The following ACTR10 variants were observed in gnomAD, a reference collection of about 807,000 sequenced individuals.
ACTR10 encodes actin-related protein 10.
A neutral mutation model predicts 56.2 loss-of-function variants in ACTR10; 43 were observed. That is an observed-to-expected ratio of 0.77 (90% CI 0.60 to 0.99). ACTR10 has a LOEUF of 0.99. Among genes scored for constraint, ACTR10 ranks in the 50% least tolerant of loss-of-function variants. The pLI, the probability that ACTR10 is intolerant of heterozygous loss-of-function variation, is 0.00. For synonymous variants in ACTR10, 170 were observed against 176.3 expected (o/e 0.96, Z 0.28); for missense variants, 466 against 507.8 (o/e 0.92, Z 0.79).
intron 8 of ACTR10, among the ~76,000 whole-genome samples, chr14:58,220,480 T>C (rs888298132): frequency 6.6e-6 from 1 of 152,222 alleles, no homozygotes; most frequent in Non-Finnish European, 1.5e-5. Flanking sequence ...CTAAATTCTT[T>C]TCAATTGTTA....
At chr14:58,205,705 G>T (rs1309264397) in intron 2 of ACTR10, among the ~76,000 whole-genome samples, 2 of 152,054 alleles carry the variant, frequency 1.3e-5, no homozygotes, top group African/African-American at 4.8e-5. Flanking sequence ...AAATATGGTA[G>T]ATATTGGTGG....
In ACTR10 at chr14:58,232,220, G is replaced by T. The variant is rs554639681; in HGVS notation, c.1025G>T (p.Arg342Leu). The T allele has an allele frequency of 6.2e-7, 1 of 1,613,426 alleles. No homozygotes were observed. The highest frequency in any genetic ancestry group is 2.2e-5 in the East Asian group (1 of 44,848). ...AAAGCACTTGGCACTAAGACATTTC[G>T]AATTCATACTCCACCTGCAAAAGCT... ...YKKALGTKTF[R>L]IHTPPAKANC... Residue 342 changes from arginine to leucine, a missense_variant, in exon 12 of 13, where the codon CGA (arginine) becomes CTA (leucine). Coordinates refer to ENST00000254286, the MANE Select transcript of ACTR10 (RefSeq NM_018477.3).
rs1888667343 is a variant in ACTR10 at position 58,200,156 on chromosome 14, G to C, written c.-62G>C. On this transcript the variant is annotated 5_prime_UTR_variant, in exon 1 of 13. Coordinates refer to ENST00000254286, the MANE Select transcript of ACTR10 (RefSeq NM_018477.3). ...CGCCGGAGCCCCGGCCCCGCCCCGC[G>C]AGCGCCGAGACTTGTTGGCCGCGGA... The C allele has an allele frequency of 7.8e-7, 1 of 1,282,380 alleles. No homozygotes were observed. Among genetic ancestry groups the C allele is most frequent in the Non-Finnish European group, 1.0e-6 (1 of 993,426 alleles). The allele number at this position is 1,282,380 out of a possible 1,614,324, so 79.4% of individuals were successfully genotyped here.
intron 12 of ACTR10, 28 bp downstream of exon 12, chr14:58,232,295 G>A: frequency 4.5e-6 from 7 of 1,550,070 alleles, no homozygotes; most frequent in Non-Finnish European, 6.2e-6. Flanking sequence ...AAAATATAAT[G>A]ATTATATAGT....
intron 2 of ACTR10, among the ~76,000 whole-genome samples, chr14:58,205,577 A>G (rs1011059202): frequency 6.6e-6 from 1 of 152,104 alleles, no homozygotes; most frequent in African/African-American, 2.4e-5. Context: ...GGCTTCCCAA[A>G]GTGCTGGGGT....
At chr14:58,208,971 T>C in intron 3 of ACTR10, 28 bp from the exon 4 acceptor site, 1 of 1,528,956 alleles carries the variant, frequency 6.5e-7, no homozygotes, top group Non-Finnish European at 9.0e-7. Flanking sequence ...AAACTTTTAC[T>C]TTTAAAACCA....
chr14:58,224,298 G>A (rs898765046), intron 10 of ACTR10, among the ~76,000 whole-genome samples: 7 of 151,716 alleles, frequency 4.6e-5, no homozygotes, highest in Non-Finnish European at 7.4e-5. Context: ...CACTGTGCCC[G>A]GCCTATTCAG....
intron 10 of ACTR10, among the ~76,000 whole-genome samples, chr14:58,228,202 C>T (rs1224999707): frequency 2.6e-5 from 4 of 152,202 alleles, no homozygotes. Context: ...CATCTATCAT[C>T]TCTGAGATAT....
intron 5 of ACTR10, among the ~76,000 whole-genome samples, chr14:58,212,565 G>T (rs540610877): frequency 7.9e-5 from 12 of 152,096 alleles, no homozygotes; most frequent in African/African-American, 2.7e-4. Context: ...GTGTTTTTTA[G>T]TATAAAGTAC....
At chr14:58,231,437 T>C (rs1889531423) in intron 11 of ACTR10, among the ~76,000 whole-genome samples, 1 of 152,222 alleles carries the variant, frequency 6.6e-6, no homozygotes, top group South Asian at 2.1e-4. Flanking sequence ...TTGTATAGTA[T>C]TCAATTTTAA....
At position 58,234,773 on chromosome 14, in the gene ACTR10, A is replaced by G. The variant is rs1889637799; in HGVS notation, c.*222A>G. Reference sequence around the variant, plus strand: ...ATTGAGATTTGCTGTATTTATATCAATAAAGTATAGTAAAGCAGTTTGATT... The same window carrying G: ...ATTGAGATTTGCTGTATTTATATCAGTAAAGTATAGTAAAGCAGTTTGATT... On this transcript the variant is annotated 3_prime_UTR_variant, in exon 13 of 13. Coordinates refer to ENST00000254286, the MANE Select transcript of ACTR10 (RefSeq NM_018477.3). 1 of 379,498 alleles carries G rather than the reference A, an allele frequency of 2.6e-6. No individual in the cohort carries two copies. Among genetic ancestry groups the G allele is most frequent in the East Asian group, 4.1e-5 (1 of 24,314 alleles). 23.5% of individuals were successfully genotyped at this position (379,498 alleles called of 1,614,324 possible).
chr14:58,216,503 C>A (rs980301807), intron 7 of ACTR10, among the ~76,000 whole-genome samples: 3 of 152,096 alleles, frequency 2.0e-5, no homozygotes, highest in African/African-American at 7.2e-5. Flanking sequence ...AGGTTAAAAT[C>A]CAAATTATCT....
At chr14:58,214,662 G>T (rs1889089412) in intron 6 of ACTR10, among the ~76,000 whole-genome samples, 1 of 150,696 alleles carries the variant, frequency 6.6e-6, no homozygotes, top group South Asian at 2.1e-4. Context: ...GGCTAATTTT[G>T]GTATTTTTAG....
At chr14:58,218,966 G>GAGAGT (rs1594809809) in intron 7 of ACTR10, among the ~76,000 whole-genome samples, 1 of 152,106 alleles carries the variant, frequency 6.6e-6, no homozygotes, top group East Asian at 1.9e-4. Flanking sequence ...GGGATTACAG[G>GAGAGT]CATGCACCAC....
At chr14:58,232,730 G>A (rs1889575480) in intron 12 of ACTR10, among the ~76,000 whole-genome samples, 1 of 151,836 alleles carries the variant, frequency 6.6e-6, no homozygotes, top group African/African-American at 2.4e-5. Flanking sequence ...TTCTTAAATT[G>A]TATTAATTTT....
chr14:58,209,100 A>G lies in ACTR10; in HGVS notation c.335A>G (p.Tyr112Cys), dbSNP rs1233765343. The change falls in exon 4 of 13, where the codon TAT becomes TGT. Residue 112 changes from tyrosine (Y) to cysteine (C), a missense_variant. Coordinates refer to ENST00000254286, the MANE Select transcript of ACTR10 (RefSeq NM_018477.3). Reference protein sequence around the residue: ...RETLTRVLFKYFEVPSVLLAP... With the variant: ...RETLTRVLFKCFEVPSVLLAP... ...ACACTCACTCGTGTTCTTTTCAAAT[A>G]TTTTGAGGTACCTGTCTTTATATCA... 5 of 1,576,696 alleles carry G rather than the reference A, an allele frequency of 3.2e-6. No homozygotes were observed. The highest frequency in any genetic ancestry group is 4.3e-6 in the Non-Finnish European group (5 of 1,158,880).
rs1358618938 is a variant in ACTR10 at position 58,207,159 on chromosome 14, G to T, written c.151-777G>T. On this transcript the variant is annotated intron_variant, in intron 2 of 12. Transcript: ENST00000254286. Reference sequence around the variant, plus strand: ...GGGTTCAAGCAGTTCTCCCACTTCAGCCTCCTGAGTAGCTGGGACTACAGG... The same window carrying T: ...GGGTTCAAGCAGTTCTCCCACTTCATCCTCCTGAGTAGCTGGGACTACAGG... 1.8e-5 allele frequency: 3 copies of T among 164,794 alleles called. No individual in the cohort carries two copies. The Admixed American group carries it at 1.9e-4, about 10-fold the overall frequency. 10.2% of individuals were successfully genotyped at this position (164,794 alleles called of 1,614,324 possible).
At chr14:58,211,476 A>G (rs981544399) in intron 5 of ACTR10, 77 bp downstream of exon 5, 2 of 1,073,414 alleles carry the variant, frequency 1.9e-6, no homozygotes, top group Non-Finnish European at 2.9e-6. Flanking sequence ...ATTATAAATG[A>G]TTTGTATTGT....
intron 10 of ACTR10, 21 bp from the exon 11 acceptor site, chr14:58,230,378 C>G (rs746585824): frequency 6.8e-7 from 1 of 1,468,630 alleles, no homozygotes; most frequent in Non-Finnish European, 9.3e-7. Flanking sequence ...ACAGAAAGCT[C>G]TCTTTTTCAA....
Sources: gnomAD v4.1 joint callset for allele counts (sites outside exome capture counted in the v4.1 genomes callset) on GRCh38, gnomAD v4.1.1 for gene constraint, MANE v1.5 for transcripts, NCBI Gene and HGNC (gene_info 2026-07-23, HGNC 2026-07-21) for gene names.